Variants in SCFD2 observed in about 807,000 individuals in gnomAD.
SCFD2 encodes sec1 family domain containing 2.
In SCFD2, 54 loss-of-function variants were observed where a neutral mutation model predicts 58.9. The ratio of observed to expected loss-of-function variants is 0.92; its 90% CI spans 0.74 to 1.15. SCFD2 has a LOEUF of 1.15. Among genes scored for constraint, SCFD2 ranks in the 50% most tolerant of loss-of-function variants. The pLI, the probability that SCFD2 is intolerant of heterozygous loss-of-function variation, is 0.00. For missense variants in SCFD2, 805 were observed against 836.6 expected (o/e 0.96, Z 0.47); for synonymous variants, 321 against 335.9 (o/e 0.96, Z 0.49).
chr4:53,026,951 T>A (rs868317315), intron 5 of SCFD2, among the ~76,000 whole-genome samples: 1 of 152,360 alleles, frequency 6.6e-6, no homozygotes, highest in South Asian at 2.1e-4. Flanking sequence ...GGCCAAATGA[T>A]ATGTGTACAA....
rs117416653 is a variant in SCFD2 at position 53,002,396 on chromosome 4, T to A, written c.1562-81526A>T. Among the ~76,000 whole-genome samples the A allele has an allele frequency of 4.2e-4, 64 of 152,304 alleles. 1 individual carries two copies. The East Asian group carries it at 8.5e-3, about 20-fold the overall frequency. On this transcript the variant is annotated intron_variant, in intron 5 of 8. Transcript: ENST00000401642. ...CACCAGACGGCACCAACATTGCTTG[T>A]CTGATATACAGCACTGGGTGGGGTA...
At chr4:52,900,024 C>A (rs547107374) in intron 7 of SCFD2, among the ~76,000 whole-genome samples, 1 of 152,292 alleles carries the variant, frequency 6.6e-6, no homozygotes, top group East Asian at 1.9e-4. Flanking sequence ...GACTTCTCTG[C>A]ATTGGTTATT....
intron 5 of SCFD2, among the ~76,000 whole-genome samples, chr4:53,142,814 T>TA (rs1474134533): frequency 6.6e-6 from 1 of 152,178 alleles, no homozygotes; most frequent in African/African-American, 2.4e-5. Flanking sequence ...TCTTCAGAAA[T>TA]AAAGTCCTAT....
rs149909322 is a variant in SCFD2 at position 53,217,761 on chromosome 4, G to C, written c.1311+56065C>G. Among the ~76,000 whole-genome samples the C allele has an allele frequency of 7.4e-3, 1,120 of 152,316 alleles. 7 individuals are homozygous for C. The highest frequency in any genetic ancestry group is 0.026 in the African/African-American group (1,064 of 41,548). ...ATCAATGGTCTTTACAATTTGGCAT[G>C]TTTTTGTAGTGGCTGGTAACGGTTG... On this transcript the variant is annotated intron_variant, in intron 4 of 8. Transcript: ENST00000401642.
At chr4:53,054,106 G>A (rs1392942623) in intron 5 of SCFD2, among the ~76,000 whole-genome samples, 4 of 151,750 alleles carry the variant, frequency 2.6e-5, no homozygotes, top group African/African-American at 9.7e-5. Context: ...TACCTTTTCC[G>A]GCCTCTGATA....
chr4:52,992,439 G>T (rs535104043), intron 5 of SCFD2, among the ~76,000 whole-genome samples: 1 of 152,100 alleles, frequency 6.6e-6, no homozygotes, highest in Non-Finnish European at 1.5e-5. Flanking sequence ...AGCCTCTGCC[G>T]GGCCGCCACC....
chr4:53,356,217 T>C (rs1471028965), intron 1 of SCFD2, among the ~76,000 whole-genome samples: 1 of 152,184 alleles, frequency 6.6e-6, no homozygotes. Flanking sequence ...GGTAGCTAAC[T>C]TCCCTCAGAG....
intron 5 of SCFD2, among the ~76,000 whole-genome samples, chr4:53,065,799 G>T (rs1246048318): frequency 6.6e-6 from 1 of 151,794 alleles, no homozygotes; most frequent in African/African-American, 2.4e-5. Flanking sequence ...ACCATACTAT[G>T]TATTTGTCAT....
chr4:52,890,009 T>G (rs1718844640), intron 7 of SCFD2, among the ~76,000 whole-genome samples: 1 of 152,262 alleles, frequency 6.6e-6, no homozygotes, highest in African/African-American at 2.4e-5. Context: ...TATGAAGGAA[T>G]GAATCATATC....
At chr4:52,943,448 G>A (rs574362594) in intron 5 of SCFD2, among the ~76,000 whole-genome samples, 36 of 152,260 alleles carry the variant, frequency 2.4e-4, no homozygotes, top group Admixed American at 6.5e-4. Flanking sequence ...CCTTCTTGCT[G>A]CATCTTCACA....
chr4:53,278,297 T>C (rs1227090891), intron 3 of SCFD2, among the ~76,000 whole-genome samples: 1 of 143,054 alleles, frequency 7.0e-6, no homozygotes, highest in Non-Finnish European at 1.5e-5. Context: ...ACCCGGGAGG[T>C]GGAGTAAGCC....
chr4:53,317,142 G>A (rs2149115186), intron 2 of SCFD2, among the ~76,000 whole-genome samples: 1 of 151,890 alleles, frequency 6.6e-6, no homozygotes, highest in African/African-American at 2.4e-5. Context: ...GTCTAGATAT[G>A]TGTGAGAGTT....
At chr4:53,235,642 C>G in intron 4 of SCFD2, among the ~76,000 whole-genome samples, 1 of 152,202 alleles carries the variant, frequency 6.6e-6, no homozygotes, top group East Asian at 1.9e-4. Context: ...GAGTTTTGAT[C>G]TGAGCCAGCT....
intron 5 of SCFD2, among the ~76,000 whole-genome samples, chr4:53,141,956 C>T (rs1238015850): frequency 6.6e-6 from 1 of 152,116 alleles, no homozygotes; most frequent in East Asian, 1.9e-4. Context: ...CCCACCAAAT[C>T]CACTCAGGCT....
intron 3 of SCFD2, among the ~76,000 whole-genome samples, chr4:53,298,479 C>G (rs1431505895): frequency 6.6e-6 from 1 of 152,208 alleles, no homozygotes. Flanking sequence ...CAACAAAGCT[C>G]AAGGAGGCCT....
intron 5 of SCFD2, among the ~76,000 whole-genome samples, chr4:52,942,899 A>G (rs1286301798): frequency 1.3e-5 from 2 of 152,218 alleles, no homozygotes; most frequent in East Asian, 3.9e-4. Context: ...AAGCTTATAG[A>G]TAGCTAAGGA....
chr4:53,341,400 T>A (rs1273972740), intron 2 of SCFD2, among the ~76,000 whole-genome samples: 2 of 151,850 alleles, frequency 1.3e-5, no homozygotes, highest in Admixed American at 6.6e-5. Flanking sequence ...GAAGAGAAGT[T>A]TAGAGAAAAA....
Position 53,365,136 on chromosome 4 carries a change from A to T in SCFD2, c.806T>A (p.Val269Glu), listed in dbSNP as rs994039303. 1 of 1,614,112 alleles carries T rather than the reference A, an allele frequency of 6.2e-7. No homozygotes were observed. The highest frequency in any genetic ancestry group is 1.7e-5 in the Admixed American group (1 of 60,004). ...ATCCAGGGTTCTGTCCACAAAAACC[A>T]CTGATGCCCTGCCTGCAGCAGTCTT... The part of the protein sequence containing the change: ...RKKTAAGRAS[V>E]VFVDRTLDLT... Residue 269 changes from valine to glutamate, a missense_variant, in exon 1 of 9, where the codon GTG becomes GAG. By Grantham distance (121) the Val-to-Glu change is moderately radical (BLOSUM62 -2). Transcript: ENST00000401642. The surrounding 1 kb of genome is among the most constrained non-coding windows in gnomAD (Gnocchi z 4.3).
chr4:53,351,276 T>C (rs1659439370), intron 2 of SCFD2, among the ~76,000 whole-genome samples: 1 of 152,218 alleles, frequency 6.6e-6, no homozygotes, highest in Non-Finnish European at 1.5e-5. Flanking sequence ...GACCATTTTT[T>C]GTTTCTATAC....
Sources: allele counts gnomAD v4.1 joint callset (sites outside exome capture counted in the v4.1 genomes callset), GRCh38; gene constraint gnomAD v4.1.1; non-coding constraint Gnocchi (gnomAD v3.1); transcripts MANE v1.5; gene names NCBI Gene and HGNC (gene_info 2026-07-23, HGNC 2026-07-21).